Variants in ZNF804A observed in about 807,000 individuals in gnomAD.
ZNF804A encodes the protein zinc finger protein 804A.
In ZNF804A, 2 loss-of-function variants were observed where a neutral mutation model predicts 16.5. The observed-to-expected ratio is 0.12, with a 90% CI of 0.05 to 0.38. The LOEUF is 0.38. Among genes scored for constraint, ZNF804A ranks in the 10% least tolerant of loss-of-function variants. The probability of loss-of-function intolerance (pLI) is 0.99; values close to 1 mark genes in which losing one functional copy is unlikely to be tolerated. For synonymous variants in ZNF804A, 534 were observed against 489.6 expected, an observed-to-expected ratio of 1.09 and a Z score of -1.20; for missense variants, 1,473 against 1,390.7, an observed-to-expected ratio of 1.06 and a Z score of -0.94.
chr2:184,839,871 A>G (rs1695408679), intron 1 of ZNF804A, among the ~76,000 whole-genome samples: 1 of 152,150 alleles, frequency 6.6e-6, no homozygotes, highest in African/African-American at 2.4e-5. Context: ...AATCTCTTTT[A>G]AAGGTGGCCT....
At chr2:184,714,947 A>G (rs1428796057) in intron 1 of ZNF804A, among the ~76,000 whole-genome samples, 2 of 152,184 alleles carry the variant, frequency 1.3e-5, no homozygotes, top group East Asian at 3.9e-4. Flanking sequence ...ACTCAGAAGA[A>G]GTAAATATTG....
intron 1 of ZNF804A, among the ~76,000 whole-genome samples, chr2:184,797,130 T>C (rs1186264955): frequency 6.6e-6 from 1 of 152,146 alleles, no homozygotes; most frequent in Admixed American, 6.6e-5. Flanking sequence ...TCTGTATGTA[T>C]CTGATGAGTT....
At chr2:184,862,927 T>C (rs1695821357) in intron 1 of ZNF804A, among the ~76,000 whole-genome samples, 1 of 152,128 alleles carries the variant, frequency 6.6e-6, no homozygotes, top group Non-Finnish European at 1.5e-5. Context: ...TTTCTTTGTT[T>C]TGGTCTGATA....
chr2:184,736,138 A>T lies in ZNF804A; in HGVS notation c.112-130231A>T, dbSNP rs928096832. Among the ~76,000 whole-genome samples the T allele has an allele frequency of 4.6e-5, 7 of 152,010 alleles. 1 individual carries two copies. The highest frequency in any genetic ancestry group is 4.6e-4 in the Admixed American group (7 of 15,258). On this transcript the variant is annotated intron_variant, in intron 1 of 3. Transcript: ENST00000302277. The stretch of plus-strand genomic sequence containing the variant: ...TTCTAACACATGCACATGCCTCTTG[A>T]TGTCTAGGCTACACCTTAAGTTCTT...
At chr2:184,876,361 A>G (rs1401559622) in intron 2 of ZNF804A, among the ~76,000 whole-genome samples, 1 of 150,374 alleles carries the variant, frequency 6.7e-6, no homozygotes, top group Non-Finnish European at 1.5e-5. Flanking sequence ...GCGCAATACA[A>G]TCACTTCACA....
At chr2:184,702,337 A>G (rs1186367924) in intron 1 of ZNF804A, among the ~76,000 whole-genome samples, 1 of 152,056 alleles carries the variant, frequency 6.6e-6, no homozygotes, top group African/African-American at 2.4e-5. Flanking sequence ...CAAGAAACTG[A>G]AGTATTTATG....
chr2:184,933,072 G>A (rs1488067909), intron 2 of ZNF804A, among the ~76,000 whole-genome samples: 1 of 151,764 alleles, frequency 6.6e-6, no homozygotes, highest in Non-Finnish European at 1.5e-5. Context: ...AAAAAGGGCT[G>A]CTCTGCCTAT....
intron 1 of ZNF804A, among the ~76,000 whole-genome samples, chr2:184,668,525 T>C (rs1255135953): frequency 2.0e-5 from 3 of 151,966 alleles, no homozygotes; most frequent in Non-Finnish European, 1.5e-5. Context: ...TGATTTTCTT[T>C]TTCTTCACAA....
rs773607176 is a variant in ZNF804A at position 184,926,778 on chromosome 2, CAATT to C, written c.256-6824_256-6821del. On this transcript the variant is annotated intron_variant, in intron 2 of 3. Transcript: ENST00000302277. ...TCACTAATTTTTTCTTCTGATAGAT[CAATT>C]GTTTTTAAGAAACTCTGATGCATTC... 3.9e-5 allele frequency among the ~76,000 whole-genome samples: 6 copies of C among 152,206 alleles called. No individual in the cohort carries two copies. In the East Asian group the frequency reaches 1.2e-3, roughly 29 times the overall value.
chr2:184,653,409 G>A (rs1478546907), intron 1 of ZNF804A, among the ~76,000 whole-genome samples: 1 of 152,132 alleles, frequency 6.6e-6, no homozygotes, highest in Non-Finnish European at 1.5e-5. Flanking sequence ...AGCAACATCA[G>A]TTCTCGCCTC....
chr2:184,822,411 G>T (rs1404615872), intron 1 of ZNF804A, among the ~76,000 whole-genome samples: 1 of 152,062 alleles, frequency 6.6e-6, no homozygotes. Flanking sequence ...GCCTGGCAGA[G>T]CATCAGGAAG....
At chr2:184,899,349 CA>C (rs1685140029) in intron 2 of ZNF804A, among the ~76,000 whole-genome samples, 1 of 151,924 alleles carries the variant, frequency 6.6e-6, no homozygotes, top group Non-Finnish European at 1.5e-5. Context: ...TTTATTGCTC[CA>C]AAATGTATTT....
rs1044482431 is a variant in ZNF804A at position 184,598,574 on chromosome 2, C to A, written c.-386C>A. On this transcript the variant is annotated 5_prime_UTR_variant, in exon 1 of 4. Transcript: ENST00000302277. ...AGCGCGGGGGATGCTGCCGCCGCCG[C>A]CGCTTCTGCTGCCGCGCGGGCGGCT... 20 of 159,352 alleles carry A rather than the reference C, an allele frequency of 1.3e-4. No individual in the cohort carries two copies. The highest frequency in any genetic ancestry group is 2.3e-4 in the Non-Finnish European group (17 of 73,138). The allele number at this position is 159,352 out of a possible 1,614,324, so 9.9% of individuals were successfully genotyped here.
intron 1 of ZNF804A, among the ~76,000 whole-genome samples, chr2:184,732,651 C>T (rs1459022050): frequency 1.3e-5 from 2 of 152,076 alleles, no homozygotes; most frequent in South Asian, 2.1e-4. Context: ...TGAGATTTCC[C>T]ATCCATGAAC....
intron 1 of ZNF804A, among the ~76,000 whole-genome samples, chr2:184,681,316 G>A (rs1356729732): frequency 6.6e-6 from 1 of 152,166 alleles, no homozygotes; most frequent in East Asian, 1.9e-4. Context: ...AAAGCAGATT[G>A]TAAGAAAAAT....
chr2:184,752,069 G>A (rs1435690016), intron 1 of ZNF804A, among the ~76,000 whole-genome samples: 6 of 151,598 alleles, frequency 4.0e-5, no homozygotes, highest in Non-Finnish European at 7.4e-5. Context: ...AAAACAGTAC[G>A]GAGATTTCTC....
intron 1 of ZNF804A, among the ~76,000 whole-genome samples, chr2:184,826,861 C>T (rs1168336244): frequency 6.6e-6 from 1 of 152,072 alleles, no homozygotes; most frequent in African/African-American, 2.4e-5. Flanking sequence ...TGACAAACGG[C>T]ATGACCTAGG....
At chr2:184,812,008 T>C (rs1437793801) in intron 1 of ZNF804A, among the ~76,000 whole-genome samples, 1 of 152,204 alleles carries the variant, frequency 6.6e-6, no homozygotes, top group East Asian at 1.9e-4. Context: ...TTATTGTAGT[T>C]TGAGTTGTAT....
chr2:184,773,053 T>C (rs1694241248), intron 1 of ZNF804A, among the ~76,000 whole-genome samples: 1 of 149,886 alleles, frequency 6.7e-6, no homozygotes, highest in Non-Finnish European at 1.5e-5. Flanking sequence ...TATATTTTTT[T>C]AAATGTGCAC....
Sources: gnomAD v4.1 joint callset for allele counts (sites outside exome capture counted in the v4.1 genomes callset) on GRCh38, gnomAD v4.1.1 for gene constraint, MANE v1.5 for transcripts, NCBI Gene and HGNC (gene_info 2026-07-23, HGNC 2026-07-21) for gene names.